Variants in MALRD1 observed in about 807,000 individuals in gnomAD.
The protein encoded by MALRD1 is MAM and LDL receptor class A domain containing 1, also known as MAM and LDL-receptor class A domain-containing protein 1.
A neutral mutation model predicts 242.1 loss-of-function variants in MALRD1; 247 were observed. That is an observed-to-expected ratio of 1.02 (90% confidence interval 0.92 to 1.13). The LOEUF (loss-of-function observed/expected upper bound fraction) is 1.13. Among genes scored for constraint, MALRD1 ranks in the 50% most tolerant of loss-of-function variants. MALRD1 has a pLI of 0.00. For synonymous variants in MALRD1, 995 were observed against 866.6 expected, an observed-to-expected ratio of 1.15 and a Z score of -2.60; for missense variants, 2,989 against 2,533.1, an observed-to-expected ratio of 1.18 and a Z score of -3.86.
Position 19,204,838 on chromosome 10 carries a change from G to A in MALRD1, c.2211-60G>A, listed in dbSNP as rs899490759. On this transcript the variant is annotated intron_variant, in intron 16 of 39. Transcript: ENST00000454679. ...TGTTGACTGAGTAGAAAAATCTAAA[G>A]GTTAAATATGTAGTCTATTCTATAA... The A allele has an allele frequency of 4.2e-6, 6 of 1,441,934 alleles. No individual in the cohort carries two copies. In the African/African-American group the frequency reaches 4.3e-5, roughly 10 times the overall value. 89.3% of individuals were successfully genotyped at this position (1,441,934 alleles called of 1,614,324 possible).
intron 38 of MALRD1, among the ~76,000 whole-genome samples, chr10:19,717,991 A>G (rs1195532082): frequency 6.7e-6 from 1 of 150,276 alleles, no homozygotes; most frequent in Non-Finnish European, 1.5e-5. Flanking sequence ...CACTCCAGAG[A>G]GATTCTACCT....
At chr10:19,543,252 TTTTCGTTTTTGTTTTATTTA>T (rs1835057529) in intron 32 of MALRD1, among the ~76,000 whole-genome samples, 36 of 149,736 alleles carry the variant, frequency 2.4e-4, no homozygotes, top group Non-Finnish European at 4.0e-4. Context: ...CCCAGCTGAT[TTTTCGTTTTTGTTTTATTTA>T]TCTTTTTTTG....
chr10:19,129,521 A>G (rs555362005), intron 8 of MALRD1, among the ~76,000 whole-genome samples: 2 of 152,074 alleles, frequency 1.3e-5, no homozygotes, highest in South Asian at 4.1e-4. Context: ...TCACATAGGT[A>G]TGATCATTTA....
chr10:19,537,022 G>A (rs950041509), intron 32 of MALRD1, among the ~76,000 whole-genome samples: 2 of 152,150 alleles, frequency 1.3e-5, no homozygotes, highest in Admixed American at 6.6e-5. Context: ...CTAAGCAGAG[G>A]TTGCAAGTTA....
chr10:19,158,398 T>C (rs1038971454), intron 12 of MALRD1, among the ~76,000 whole-genome samples: 4 of 152,220 alleles, frequency 2.6e-5, no homozygotes, highest in Non-Finnish European at 5.9e-5. Context: ...TAGATTGTTT[T>C]ACAAATATGA....
intron 21 of MALRD1, among the ~76,000 whole-genome samples, chr10:19,315,186 A>G (rs992506386): frequency 7.8e-6 from 1 of 127,528 alleles, no homozygotes; most frequent in Non-Finnish European, 1.6e-5. Context: ...ATAAATATAT[A>G]AATATAATTT....
At chr10:19,574,419 C>T (rs1372578494) in intron 33 of MALRD1, among the ~76,000 whole-genome samples, 2 of 152,150 alleles carry the variant, frequency 1.3e-5, no homozygotes, top group African/African-American at 4.8e-5. Context: ...TATATGGCAC[C>T]TCTCTCTTCA....
chr10:19,498,434 C>A, intron 30 of MALRD1, 51 bp from the exon 31 acceptor site: 2 of 1,468,632 alleles, frequency 1.4e-6, no homozygotes, highest in South Asian at 1.3e-5. Flanking sequence ...AGGGTAGTAG[C>A]AAATGTGATA....
intron 32 of MALRD1, among the ~76,000 whole-genome samples, chr10:19,547,143 G>T (rs1266265809): frequency 1.3e-5 from 2 of 152,124 alleles, no homozygotes; most frequent in Non-Finnish European, 2.9e-5. Flanking sequence ...GCTATGAAGA[G>T]ACATTTTCTT....
chr10:19,695,175 A>G (rs1201684549), intron 38 of MALRD1, among the ~76,000 whole-genome samples: 1 of 152,116 alleles, frequency 6.6e-6, no homozygotes, highest in Non-Finnish European at 1.5e-5. Context: ...TACATATGTA[A>G]AAAACTGCAC....
chr10:19,360,952 G>A (rs12219762), intron 26 of MALRD1, among the ~76,000 whole-genome samples: 64,877 of 151,574 alleles, frequency 0.43, 14,992 homozygotes, highest in East Asian at 0.51. Flanking sequence ...CTTTACTATG[G>A]TCTCATTATT....
At chr10:19,367,502 A>G (rs1845158296) in intron 26 of MALRD1, among the ~76,000 whole-genome samples, 1 of 152,016 alleles carries the variant, frequency 6.6e-6, no homozygotes, top group African/African-American at 2.4e-5. Context: ...CATTTTCTTT[A>G]TCCATTCACT....
chr10:19,238,533 A>T lies in MALRD1; in HGVS notation c.2992-19151A>T, dbSNP rs1838576168. ...ATAATGTATATTATATATAATATAC[A>T]TTATATATAATATATAATGTATATT... On this transcript the variant is annotated intron_variant, in intron 18 of 39. Transcript: ENST00000454679. 4.0e-5 allele frequency among the ~76,000 whole-genome samples: 3 copies of T among 74,144 alleles called. 1 individual carries two copies. Among genetic ancestry groups the T allele is most frequent in the African/African-American group, 1.4e-4 (3 of 21,334 alleles). 48.6% of individuals were successfully genotyped at this position (74,144 alleles called of 152,430 possible).
At chr10:19,534,833 A>T (rs553261645) in intron 32 of MALRD1, among the ~76,000 whole-genome samples, 68 of 151,932 alleles carry the variant, frequency 4.5e-4, no homozygotes, top group Non-Finnish European at 8.4e-4. Context: ...GTAATGAAAT[A>T]AAGATAGATA....
chr10:19,069,782 G>A (rs1835087310), intron 2 of MALRD1, among the ~76,000 whole-genome samples: 1 of 146,102 alleles, frequency 6.8e-6, no homozygotes, highest in South Asian at 2.1e-4. Flanking sequence ...ATATATCTTT[G>A]TTGTTTTGAT....
At chr10:19,234,914 C>A (rs1458537815) in intron 18 of MALRD1, among the ~76,000 whole-genome samples, 1 of 152,042 alleles carries the variant, frequency 6.6e-6, no homozygotes, top group East Asian at 1.9e-4. Flanking sequence ...GGAGATGGCC[C>A]ATGTTGAGAG....
intron 21 of MALRD1, among the ~76,000 whole-genome samples, chr10:19,294,483 A>G (rs1350481074): frequency 6.6e-6 from 1 of 152,198 alleles, no homozygotes; most frequent in Non-Finnish European, 1.5e-5. Flanking sequence ...CATAGATTGT[A>G]TTGACTAGGC....
chr10:19,409,323 C>T (rs1833173859), intron 28 of MALRD1, among the ~76,000 whole-genome samples: 1 of 152,136 alleles, frequency 6.6e-6, no homozygotes, highest in Non-Finnish European at 1.5e-5. Flanking sequence ...AGTGCAGTGG[C>T]TTACACCTGT....
At chr10:19,112,491 A>T (rs1836712190) in intron 5 of MALRD1, among the ~76,000 whole-genome samples, 1 of 152,158 alleles carries the variant, frequency 6.6e-6, no homozygotes, top group African/African-American at 2.4e-5. Flanking sequence ...ATTATGGAAA[A>T]GGTTCATCAC....
Sources: gnomAD v4.1 joint callset for allele counts (sites outside exome capture counted in the v4.1 genomes callset) on GRCh38, gnomAD v4.1.1 for gene constraint, MANE v1.5 for transcripts, NCBI Gene and HGNC (gene_info 2026-07-23, HGNC 2026-07-21) for gene names.